The following SLC39A11 variants were observed in gnomAD, a reference collection of about 807,000 sequenced individuals.
SLC39A11 encodes zinc transporter ZIP11.
Under a neutral mutation model 36.1 loss-of-function variants are expected in SLC39A11, and 33 were observed. The ratio of observed to expected loss-of-function variants is 0.91; its 90% confidence interval spans 0.69 to 1.22. The LOEUF is 1.22. Among genes scored for constraint, SLC39A11 ranks in the 50% most tolerant of loss-of-function variants. The pLI is 0.00. For synonymous variants in SLC39A11, 166 were observed against 170.3 expected (o/e 0.97, Z 0.20); for missense variants, 432 against 430.3 (o/e 1.00, Z -0.03).
chr17:73,008,765 C>T (rs919099302), intron 4 of SLC39A11, among the ~76,000 whole-genome samples: 2 of 152,020 alleles, frequency 1.3e-5, no homozygotes, highest in Non-Finnish European at 2.9e-5. Context: ...AAAGCAATGA[C>T]GTTCTCGGCC....
At chr17:73,052,278 A>G (rs886906002) in intron 3 of SLC39A11, among the ~76,000 whole-genome samples, 1 of 152,146 alleles carries the variant, frequency 6.6e-6, no homozygotes, top group Non-Finnish European at 1.5e-5. Flanking sequence ...ACAGATAAGG[A>G]TGCATGAAAT....
At chr17:73,010,065 GTGC>G (rs1181051230) in intron 4 of SLC39A11, among the ~76,000 whole-genome samples, 1 of 152,104 alleles carries the variant, frequency 6.6e-6, no homozygotes, top group African/African-American at 2.4e-5. Flanking sequence ...GACTCCTGCT[GTGC>G]TGCTACCTGC....
intron 6 of SLC39A11, among the ~76,000 whole-genome samples, chr17:72,812,308 A>C (rs561155196): frequency 9.9e-5 from 15 of 152,228 alleles, no homozygotes; most frequent in Non-Finnish European, 2.2e-4. Context: ...GGTCAGCTTT[A>C]AGAATCATCA....
At chr17:72,780,530 G>GGT in intron 6 of SLC39A11, among the ~76,000 whole-genome samples, 1 of 111,430 alleles carries the variant, frequency 9.0e-6, no homozygotes, top group South Asian at 3.8e-4. Context: ...TGGGGGGCGG[G>GGT]TGGGGGCACA....
chr17:73,050,516 T>G (rs1218267892), intron 3 of SLC39A11, among the ~76,000 whole-genome samples: 2 of 147,346 alleles, frequency 1.4e-5, no homozygotes, highest in Non-Finnish European at 1.5e-5. Context: ...CAGGCTGGAG[T>G]GCAGTGGCTC....
chr17:73,009,425 A>G (rs1568117329), intron 4 of SLC39A11, among the ~76,000 whole-genome samples: 1 of 152,122 alleles, frequency 6.6e-6, no homozygotes, highest in Non-Finnish European at 1.5e-5. Context: ...CCTTGAAAAC[A>G]CAATGCTAAA....
intron 3 of SLC39A11, among the ~76,000 whole-genome samples, chr17:73,079,191 C>A (rs75489828): frequency 6.6e-6 from 1 of 151,972 alleles, no homozygotes; most frequent in Non-Finnish European, 1.5e-5. Flanking sequence ...TCTGCCTCCC[C>A]GGTTCAAGCA....
At chr17:72,692,642 C>T (rs1021165273) in intron 7 of SLC39A11, among the ~76,000 whole-genome samples, 1 of 152,198 alleles carries the variant, frequency 6.6e-6, no homozygotes, top group African/African-American at 2.4e-5. Context: ...TGGTTCCCTC[C>T]CACAATTTGT....
chr17:72,649,055 C>A (rs1007286403), intron 8 of SLC39A11, 94 bp from the exon 9 acceptor site: 24 of 1,542,580 alleles, frequency 1.6e-5, no homozygotes, highest in Non-Finnish European at 1.8e-5. Context: ...CACATGGATG[C>A]ATGCCATTCT....
At chr17:72,903,811 A>C (rs2082515377) in intron 5 of SLC39A11, among the ~76,000 whole-genome samples, 1 of 152,192 alleles carries the variant, frequency 6.6e-6, no homozygotes, top group African/African-American at 2.4e-5. Context: ...CTGAGGTCTC[A>C]ATAACCAGCC....
chr17:72,963,169 C>CTTTTTTTTTTTTTTT (rs5821936), intron 4 of SLC39A11, among the ~76,000 whole-genome samples: 1 of 114,552 alleles, frequency 8.7e-6, no homozygotes, highest in Non-Finnish European at 1.7e-5. Context: ...TTTTTCCTTT[C>CTTTTTTTTTTTTTTT]TTTTTTTTTT....
At chr17:72,949,177 TGA>T (rs2085677125) in intron 4 of SLC39A11, among the ~76,000 whole-genome samples, 2 of 113,072 alleles carry the variant, frequency 1.8e-5, no homozygotes, top group South Asian at 3.0e-4. Flanking sequence ...TTTTTTTTTT[TGA>T]GACAGAGTTT....
intron 3 of SLC39A11, among the ~76,000 whole-genome samples, chr17:73,054,807 C>CAAA (rs5821939): frequency 0.014 from 1,559 of 113,144 alleles, 46 homozygotes; most frequent in African/African-American, 0.049. Context: ...GATTCCGTCT[C>CAAA]AAAAAAAAAA....
At chr17:72,683,058 A>G (rs1598332962) in intron 7 of SLC39A11, among the ~76,000 whole-genome samples, 1 of 152,336 alleles carries the variant, frequency 6.6e-6, no homozygotes, top group East Asian at 1.9e-4. Flanking sequence ...CAGCACCTTT[A>G]CTGTCATGTG....
rs146110809 is a variant in SLC39A11 at position 73,070,526 on chromosome 17, A to T, written c.147+14282T>A. 4.5e-3 allele frequency among the ~76,000 whole-genome samples: 688 copies of T among 152,156 alleles called. 13 individuals carry two copies. The highest frequency in any genetic ancestry group is 6.5e-3 in the Non-Finnish European group (445 of 67,986). ...CTTTGAAGGGAGTCTGCTTTTTCCA[A>T]ACACCAGCTCATCCTTCATTAAACC... On this transcript the variant is annotated intron_variant, in intron 3 of 9. Transcript: ENST00000255559.
chr17:73,071,265 CACA>C (rs1206744013), intron 3 of SLC39A11, among the ~76,000 whole-genome samples: 7 of 152,220 alleles, frequency 4.6e-5, no homozygotes, highest in African/African-American at 1.7e-4. Flanking sequence ...AGCTTTCCCT[CACA>C]ATCTCAAATT....
At chr17:72,815,533 C>T (rs1210482440) in intron 6 of SLC39A11, among the ~76,000 whole-genome samples, 1 of 152,172 alleles carries the variant, frequency 6.6e-6, no homozygotes, top group Non-Finnish European at 1.5e-5. Flanking sequence ...AGGAGAATCA[C>T]TTGAACCCAG....
chr17:72,871,050 GTTTTTGT>G (rs2080589373), intron 5 of SLC39A11, among the ~76,000 whole-genome samples: 1 of 128,720 alleles, frequency 7.8e-6, no homozygotes, highest in East Asian at 2.5e-4. Flanking sequence ...TGTTTGTTTT[GTTTTTGT>G]TTTTTTTTTT....
At chr17:72,921,761 A>G (rs1009163130) in intron 5 of SLC39A11, among the ~76,000 whole-genome samples, 1 of 152,166 alleles carries the variant, frequency 6.6e-6, no homozygotes, top group African/African-American at 2.4e-5. Flanking sequence ...GCCTATTACC[A>G]TATCTCACCA....
Sources: gnomAD v4.1 joint callset for allele counts (sites outside exome capture counted in the v4.1 genomes callset) on GRCh38, gnomAD v4.1.1 for gene constraint, MANE v1.5 for transcripts, NCBI Gene and HGNC (gene_info 2026-07-23, HGNC 2026-07-21) for gene names.